Variants in TCP11L2 observed in about 807,000 individuals in gnomAD.
The protein encoded by TCP11L2 is T-complex protein 11-like protein 2.
A neutral mutation model predicts 50.7 loss-of-function variants in TCP11L2; 39 were observed. That is an observed-to-expected ratio of 0.77 (90% CI 0.60 to 1.01). The LOEUF (loss-of-function observed/expected upper bound fraction) is 1.01, where lower values mean the gene tolerates loss of function less well. Among genes scored for constraint, TCP11L2 ranks in the 50% least tolerant of loss-of-function variants. The pLI, the probability that TCP11L2 is intolerant of heterozygous loss-of-function variation, is 0.00. For missense variants in TCP11L2, 612 were observed against 614.7 expected, an observed-to-expected ratio of 1.00 and a Z score of 0.05; for synonymous variants, 192 against 219.3, an observed-to-expected ratio of 0.88 and a Z score of 1.10.
intron 6 of TCP11L2, 88 bp downstream of exon 6, chr12:106,323,734 TAAA>T: frequency 2.1e-6 from 1 of 475,080 alleles, no homozygotes; most frequent in Non-Finnish European, 3.1e-6. Context: ...TAAATTAAAT[TAAA>T]TTAAATTAAT....
rs554878194 is a variant in TCP11L2 at position 106,344,905 on chromosome 12, C to G, written c.1316-1381C>G. On this transcript the variant is annotated intron_variant, in intron 9 of 9. Transcript: ENST00000299045. ...CATTGAGGCAGTGATGCAGGAAGGG[C>G]AGGGAAGGTGGCACAATGGTGTGCT... 4.6e-5 allele frequency among the ~76,000 whole-genome samples: 7 copies of G among 152,272 alleles called. No homozygotes were observed. The South Asian group carries it at 1.5e-3, about 32-fold the overall frequency.
intron 6 of TCP11L2, 63 bp downstream of exon 6, chr12:106,323,709 AAATTT>A (rs1280393956): frequency 2.2e-5 from 15 of 677,972 alleles, no homozygotes; most frequent in Middle Eastern, 3.1e-4. Flanking sequence ...TTAAATGTTA[AAATTT>A]AAATTAAATT....
intron 4 of TCP11L2, among the ~76,000 whole-genome samples, chr12:106,320,174 G>T (rs901811497): frequency 6.6e-6 from 1 of 152,186 alleles, no homozygotes; most frequent in African/African-American, 2.4e-5. Context: ...GCCCAGGTGG[G>T]CGGATCACAA....
At chr12:106,315,520 A>G (rs2136662549) in intron 3 of TCP11L2, among the ~76,000 whole-genome samples, 1 of 152,300 alleles carries the variant, frequency 6.6e-6, no homozygotes, top group Middle Eastern at 3.4e-3. Context: ...CTGTATCCCT[A>G]TTGTCTAGCA....
At chr12:106,334,449 A>T (rs1410868911) in intron 6 of TCP11L2, among the ~76,000 whole-genome samples, 2 of 152,096 alleles carry the variant, frequency 1.3e-5, no homozygotes, top group Non-Finnish European at 2.9e-5. Flanking sequence ...TCTACATGTA[A>T]GTGGTCACCA....
intron 3 of TCP11L2, among the ~76,000 whole-genome samples, chr12:106,315,503 T>C (rs767480860): frequency 1.3e-5 from 2 of 152,232 alleles, no homozygotes; most frequent in Non-Finnish European, 2.9e-5. Flanking sequence ...GTCTGTATTG[T>C]TTGTTGCTGT....
Position 106,311,047 on chromosome 12 carries a change from C to A in TCP11L2, c.-29C>A, listed in dbSNP as rs761939174. 2 of 1,611,560 alleles carry A rather than the reference C, an allele frequency of 1.2e-6. No individual in the cohort carries two copies. The highest frequency in any genetic ancestry group is 1.7e-6 in the Non-Finnish European group (2 of 1,178,518). ...GGTCTGTTTGTCTGTGCAGGTGCTA[C>A]CTTTTTACCCACACTTAAGTGACGC... On this transcript the variant is annotated 5_prime_UTR_variant, in exon 2 of 10. Coordinates refer to ENST00000299045, the MANE Select transcript of TCP11L2 (RefSeq NM_152772.3).
At chr12:106,307,170 C>T (rs886661433) in intron 1 of TCP11L2, 3 of 152,172 alleles carry the variant, frequency 2.0e-5, no homozygotes, top group Non-Finnish European at 4.4e-5. Flanking sequence ...TATTTGAATG[C>T]TTGCTGCATT....
intron 8 of TCP11L2, among the ~76,000 whole-genome samples, chr12:106,339,811 G>T (rs7956801): frequency 0.022 from 3,332 of 152,308 alleles, 117 homozygotes; most frequent in African/African-American, 0.076. Flanking sequence ...CTATCCTTGG[G>T]TTACAGAATT....
At chr12:106,332,589 G>A (rs921673105) in intron 6 of TCP11L2, among the ~76,000 whole-genome samples, 3 of 152,326 alleles carry the variant, frequency 2.0e-5, no homozygotes, top group Non-Finnish European at 2.9e-5. Flanking sequence ...CACAGACTGG[G>A]TAGCTTAATA....
chr12:106,339,827 G>A (rs536093275), intron 8 of TCP11L2, among the ~76,000 whole-genome samples: 20 of 152,344 alleles, frequency 1.3e-4, no homozygotes, highest in Admixed American at 7.8e-4. Context: ...GAATTCCAAC[G>A]TCAGGTCCAG....
At chr12:106,303,614 T>A (rs931748411) in intron 1 of TCP11L2, 10 of 152,368 alleles carry the variant, frequency 6.6e-5, no homozygotes, top group Non-Finnish European at 1.2e-4. Context: ...TTGCTTGTGC[T>A]TCCCAAAGCT....
intron 2 of TCP11L2, 122 bp from the exon 3 acceptor site, chr12:106,314,236 C>G: frequency 9.8e-7 from 1 of 1,016,262 alleles, no homozygotes; most frequent in South Asian, 1.8e-5. Flanking sequence ...TATATAGTCT[C>G]CTGACCTATA....
chr12:106,343,906 C>T (rs1228077736), intron 9 of TCP11L2, among the ~76,000 whole-genome samples: 1 of 151,878 alleles, frequency 6.6e-6, no homozygotes, highest in African/African-American at 2.4e-5. Context: ...ATCCGCCCAC[C>T]TTGGCCTCCC....
rs55918458 is a variant in TCP11L2 at position 106,314,535 on chromosome 12, C to CTGTG, written c.293+81_293+84dup. 1,882 of 706,478 alleles carry CTGTG rather than the reference C, an allele frequency of 2.7e-3. 8 individuals carry two copies. The highest frequency in any genetic ancestry group is 7.9e-3 in the East Asian group (171 of 21,626). 43.8% of individuals were successfully genotyped at this position (706,478 alleles called of 1,614,324 possible). A position where few individuals can be genotyped will look rare whatever the true frequency, so the allele number is the denominator to read the frequency against. ...TGTTGTATATAAACTGCTGAAGATT[C>CTGTG]TGTGTGTGTGTGTGTGTGTGTGTGT... is the stretch of plus-strand genomic sequence containing the variant. On this transcript the variant is annotated intron_variant, in intron 3 of 9. Transcript: ENST00000299045.
chr12:106,301,433 T>C (rs1389863145), upstream of TCP11L2, among the ~76,000 whole-genome samples: 1 of 152,218 alleles, frequency 6.6e-6, no homozygotes, highest in Non-Finnish European at 1.5e-5. Flanking sequence ...AGGAAATAGC[T>C]ATCATTGTTA....
rs1027995493 is a variant in TCP11L2, at chr12:106,321,661, A to G, written c.590A>G (p.Asp197Gly). 3 of 1,614,058 alleles carry G rather than the reference A, an allele frequency of 1.9e-6. No homozygotes were observed. Among genetic ancestry groups the G allele is most frequent in the African/African-American group, 1.3e-5 (1 of 74,924 alleles). Residue 197 changes from aspartate (D) to glycine (G), a missense_variant, in exon 5 of 10, where the codon GAT becomes GGT. Physicochemically the swap from Asp to Gly is moderately conservative, Grantham distance 94. Transcript: ENST00000299045. ...CTGTGTGCTCCCGTGCGAGATAATG[A>G]TATCAGAGAGTTAAAGGCTACTGGC... ...GKLCAPVRDN[D>G]IRELKATGNI...
At position 106,321,636 on chromosome 12, in the gene TCP11L2, C is replaced by T. The variant is rs1001486661; in HGVS notation, c.565C>T (p.Leu189=). Residue 189 remains leucine, a synonymous_variant, in exon 5 of 10, where the codon CTG becomes TTG. Transcript: ENST00000299045. ...CTATGTCATCAGTACGATGGGAAAGCTGTGTGCTCCCGTGCGAGATAATGA... is the reference window on the plus strand; with the variant it reads ...CTATGTCATCAGTACGATGGGAAAGTTGTGTGCTCCCGTGCGAGATAATGA... ...ANYVISTMGK[L]CAPVRDNDIR... is the part of the protein sequence containing the mutation. 9 of 1,614,064 alleles carry T rather than the reference C, an allele frequency of 5.6e-6. No homozygotes were observed. Among genetic ancestry groups the T allele is most frequent in the Admixed American group, 5.0e-5 (3 of 60,006 alleles).
At chr12:106,328,950 G>A (rs772828095) in intron 6 of TCP11L2, among the ~76,000 whole-genome samples, 1 of 152,066 alleles carries the variant, frequency 6.6e-6, no homozygotes, top group Non-Finnish European at 1.5e-5. Flanking sequence ...GACTCTGCTC[G>A]GCCAGCCCCT....
Sources: allele counts gnomAD v4.1 joint callset (sites outside exome capture counted in the v4.1 genomes callset), GRCh38; gene constraint gnomAD v4.1.1; transcripts MANE v1.5; gene names NCBI Gene and HGNC (gene_info 2026-07-23, HGNC 2026-07-21).